The following AGBL4 variants were observed in gnomAD, a reference collection of about 807,000 sequenced individuals.
AGBL4 encodes AGBL carboxypeptidase 4.
AGBL4 carries 58 observed loss-of-function variants against 66.4 expected under a neutral mutation model. The observed-to-expected ratio is 0.87, with a 90% confidence interval of 0.71 to 1.09. AGBL4 has a LOEUF of 1.09. Among genes scored for constraint, AGBL4 ranks in the 50% least tolerant of loss-of-function variants. AGBL4 has a pLI of 0.00. For synonymous variants in AGBL4, 234 were observed against 222.9 expected (o/e 1.05, Z -0.44); for missense variants, 579 against 631.0 (o/e 0.92, Z 0.88).
chr1:49,802,207 A>C (rs1244777108), intron 2 of AGBL4, among the ~76,000 whole-genome samples: 1 of 152,166 alleles, frequency 6.6e-6, no homozygotes, highest in Non-Finnish European at 1.5e-5. Flanking sequence ...GCAGATGTTC[A>C]TAGCTCTGGG....
At chr1:49,637,293 CTTTTAT>C (rs1198041573) in intron 3 of AGBL4, among the ~76,000 whole-genome samples, 9 of 151,904 alleles carry the variant, frequency 5.9e-5, no homozygotes, top group Admixed American at 1.3e-4. Flanking sequence ...TTCTTTTATT[CTTTTAT>C]TTTTATTTTT....
chr1:48,842,952 T>C (rs1287178444), intron 6 of AGBL4, among the ~76,000 whole-genome samples: 3 of 152,058 alleles, frequency 2.0e-5, no homozygotes, highest in Non-Finnish European at 4.4e-5. Flanking sequence ...TCCACTCACA[T>C]GAGATATTTA....
chr1:49,941,715 G>A (rs1002348278), intron 1 of AGBL4, among the ~76,000 whole-genome samples: 2 of 151,884 alleles, frequency 1.3e-5, no homozygotes, highest in African/African-American at 4.8e-5. Context: ...CAAAAATTAA[G>A]TATAGAAGAA....
intron 4 of AGBL4, among the ~76,000 whole-genome samples, chr1:49,108,903 G>C (rs725191): frequency 3.9e-5 from 6 of 151,912 alleles, no homozygotes; most frequent in Admixed American, 3.9e-4. Flanking sequence ...ACAGGAGAAC[G>C]CCCTCAGTTC....
intron 6 of AGBL4, among the ~76,000 whole-genome samples, chr1:48,809,493 A>C (rs1934369): frequency 0.31 from 47,629 of 152,050 alleles, 8,037 homozygotes; most frequent in East Asian, 0.71. Context: ...GAAAGAAGCA[A>C]CATGGTAGAC....
chr1:48,742,197 A>C (rs1297233233), intron 6 of AGBL4, among the ~76,000 whole-genome samples: 1 of 152,180 alleles, frequency 6.6e-6, no homozygotes, highest in African/African-American at 2.4e-5. Flanking sequence ...GATACTTTCT[A>C]AGTGGTGAAT....
At chr1:49,517,418 C>G (rs1248391676) in intron 3 of AGBL4, among the ~76,000 whole-genome samples, 1 of 151,836 alleles carries the variant, frequency 6.6e-6, no homozygotes, top group Non-Finnish European at 1.5e-5. Context: ...TTTTCACTTG[C>G]CACCATAATG....
chr1:49,678,940 T>C (rs539816290), intron 3 of AGBL4, among the ~76,000 whole-genome samples: 1 of 152,236 alleles, frequency 6.6e-6, no homozygotes, highest in Non-Finnish European at 1.5e-5. Context: ...CAAAATTTGT[T>C]AATGTGTGCT....
chr1:49,056,772 G>A (rs555348634), intron 4 of AGBL4, among the ~76,000 whole-genome samples: 2 of 152,076 alleles, frequency 1.3e-5, no homozygotes, highest in African/African-American at 4.8e-5. Context: ...AGCTGTGGAG[G>A]GGGTAAAAAG....
intron 3 of AGBL4, among the ~76,000 whole-genome samples, chr1:49,556,192 T>C (rs1441921528): frequency 7.9e-5 from 12 of 152,250 alleles, no homozygotes; most frequent in Non-Finnish European, 1.6e-4. Context: ...TGGAATACTA[T>C]GCAGCCATAA....
chr1:48,940,618 C>T (rs578235452), intron 5 of AGBL4, among the ~76,000 whole-genome samples: 3 of 152,220 alleles, frequency 2.0e-5, no homozygotes, highest in Non-Finnish European at 4.4e-5. Context: ...GGGTACTTAC[C>T]CATTTGATAG....
At chr1:49,844,460 C>T (rs774974395) in intron 2 of AGBL4, among the ~76,000 whole-genome samples, 16 of 152,030 alleles carry the variant, frequency 1.1e-4, no homozygotes, top group Non-Finnish European at 2.1e-4. Flanking sequence ...TTTCCTTATT[C>T]TGTTCTTTCC....
chr1:49,215,834 A>G (rs1229233119), intron 4 of AGBL4, among the ~76,000 whole-genome samples: 1 of 151,672 alleles, frequency 6.6e-6, no homozygotes, highest in Non-Finnish European at 1.5e-5. Context: ...TCTTTCCCCC[A>G]ATTTTTTCCT....
intron 4 of AGBL4, among the ~76,000 whole-genome samples, chr1:49,126,574 T>C (rs1370251479): frequency 5.9e-5 from 9 of 152,028 alleles, no homozygotes; most frequent in Admixed American, 2.0e-4. Context: ...TAAGGAAAAA[T>C]TGAAGTTTAA....
At chr1:49,371,510 A>G (rs1414320188) in intron 3 of AGBL4, among the ~76,000 whole-genome samples, 1 of 152,150 alleles carries the variant, frequency 6.6e-6, no homozygotes, top group Admixed American at 6.6e-5. Context: ...GTGGGAGTGC[A>G]GTAAACTCAT....
chr1:49,826,918 AG>A (rs1645524751), intron 2 of AGBL4, among the ~76,000 whole-genome samples: 1 of 152,210 alleles, frequency 6.6e-6, no homozygotes, highest in African/African-American at 2.4e-5. Flanking sequence ...ATACAGCTGC[AG>A]ATATCATAGG....
intron 3 of AGBL4, among the ~76,000 whole-genome samples, chr1:49,404,283 C>T (rs1453113105): frequency 6.6e-6 from 1 of 152,156 alleles, no homozygotes; most frequent in East Asian, 1.9e-4. Flanking sequence ...AGCTTTCTCT[C>T]TGAGAACACA....
intron 5 of AGBL4, among the ~76,000 whole-genome samples, chr1:48,934,938 G>A (rs1655328391): frequency 6.6e-6 from 1 of 152,106 alleles, no homozygotes; most frequent in Non-Finnish European, 1.5e-5. Context: ...CTAACTCAAT[G>A]AGCCCTGTAC....
intron 3 of AGBL4, among the ~76,000 whole-genome samples, chr1:49,372,605 CTTTTTCTTTCTTTCTT>C (rs1644371805): frequency 1.4e-5 from 2 of 141,424 alleles, no homozygotes; most frequent in Non-Finnish European, 3.1e-5. Context: ...TTTTCTTTTT[CTTTTTCTTTCTTTCTT>C]TCTTTCTTTC....
Sources: gnomAD v4.1 joint callset for allele counts (sites outside exome capture counted in the v4.1 genomes callset) on GRCh38, gnomAD v4.1.1 for gene constraint, MANE v1.5 for transcripts, NCBI Gene and HGNC (gene_info 2026-07-23, HGNC 2026-07-21) for gene names.